The following ATP6V1A variants were observed in gnomAD, a reference collection of about 807,000 sequenced individuals.
ATP6V1A encodes ATPase H+ transporting V1 subunit A.
A neutral mutation model predicts 70.1 loss-of-function variants in ATP6V1A; 18 were observed. That is an observed-to-expected ratio of 0.26 (90% confidence interval 0.18 to 0.38). The LOEUF (loss-of-function observed/expected upper bound fraction) is 0.38, where lower values mean the gene tolerates loss of function less well. Among genes scored for constraint, ATP6V1A ranks in the 10% least tolerant of loss-of-function variants. The pLI is 1.00. For missense variants in ATP6V1A, 424 were observed against 772.4 expected (o/e 0.55, Z 5.35); for synonymous variants, 232 against 253.8 (o/e 0.91, Z 0.82).
chr3:113,782,542 C>CTCTCTCTCTATA (rs749059556), intron 3 of ATP6V1A, among the ~76,000 whole-genome samples: 5 of 141,168 alleles, frequency 3.5e-5, no homozygotes, highest in African/African-American at 1.3e-4. Flanking sequence ...CTCTCTCTCT[C>CTCTCTCTCTATA]TATATATATA....
chr3:113,789,827 C>T lies in ATP6V1A; in HGVS notation c.975C>T (p.Ala325=), dbSNP rs1709073021. ...TSNMPVAARE[A]SIYTGITLSE... is the part of the protein sequence containing the mutation. ...ATATGCCTGTTGCTGCTAGAGAAGC[C>T]TCTATTTATACTGGTGAGTATATAA... The change falls in exon 8 of 15, where the codon GCC becomes GCT. Residue 325 remains alanine (A), a synonymous_variant. Transcript: ENST00000273398. 6.2e-7 allele frequency: 1 copy of T among 1,600,096 alleles called. No homozygotes were observed. Among genetic ancestry groups the T allele is most frequent in the Non-Finnish European group, 8.6e-7 (1 of 1,167,298 alleles).
intron 1 of ATP6V1A, among the ~76,000 whole-genome samples, chr3:113,764,393 C>T (rs1054415145): frequency 2.0e-5 from 3 of 151,880 alleles, no homozygotes; most frequent in Admixed American, 1.3e-4. Flanking sequence ...GACTGTGTAG[C>T]GCATAGAAAA....
At chr3:113,757,959 C>T (rs1431220324) in intron 1 of ATP6V1A, among the ~76,000 whole-genome samples, 1 of 152,146 alleles carries the variant, frequency 6.6e-6, no homozygotes, top group Admixed American at 6.5e-5. Flanking sequence ...TCCTGGCCAA[C>T]ATGGTGAAAC....
Position 113,811,874 on chromosome 3 carries a change from A to T in ATP6V1A, c.*2447A>T, listed in dbSNP as rs937953291. The T allele has an allele frequency of 6.6e-6, 1 of 152,548 alleles. No individual in the cohort carries two copies. The highest frequency in any genetic ancestry group is 1.5e-5 in the Non-Finnish European group (1 of 68,016). The allele number at this position is 152,548 out of a possible 1,614,324, so 9.4% of individuals were successfully genotyped here. On this transcript the variant is annotated 3_prime_UTR_variant, in exon 15 of 15. Transcript: ENST00000273398. ...AAGTGGAGCCAATTAAACAAGTTTC[A>T]TATGTATTTTTCCAGTGTTGAATCT...
intron 1 of ATP6V1A, among the ~76,000 whole-genome samples, chr3:113,772,932 G>C (rs1202299860): frequency 3.8e-5 from 4 of 105,636 alleles, no homozygotes; most frequent in Non-Finnish European, 7.8e-5. Context: ...CTTAATATTG[G>C]CTTTTTTTTT....
intron 1 of ATP6V1A, among the ~76,000 whole-genome samples, chr3:113,758,219 T>C (rs1708666315): frequency 6.6e-6 from 1 of 152,198 alleles, no homozygotes; most frequent in Admixed American, 6.6e-5. Flanking sequence ...TGTGGAAGCA[T>C]GCCTTTATAG....
At chr3:113,776,970 C>A (rs1708920714) in intron 1 of ATP6V1A, among the ~76,000 whole-genome samples, 1 of 152,168 alleles carries the variant, frequency 6.6e-6, no homozygotes, top group Non-Finnish European at 1.5e-5. Context: ...TCTAAACATT[C>A]TAATCTTTGA....
At chr3:113,763,760 T>A (rs965146633) in intron 1 of ATP6V1A, among the ~76,000 whole-genome samples, 1 of 152,190 alleles carries the variant, frequency 6.6e-6, no homozygotes, top group Non-Finnish European at 1.5e-5. Flanking sequence ...ATTTGTCAGG[T>A]TTTTTTCCTT....
chr3:113,780,048 G>A (rs1446119983), intron 2 of ATP6V1A, among the ~76,000 whole-genome samples: 1 of 152,004 alleles, frequency 6.6e-6, no homozygotes, highest in Non-Finnish European at 1.5e-5. Flanking sequence ...TAATTCTTAA[G>A]TACTTAATAA....
chr3:113,763,098 C>CTT (rs548896926), intron 1 of ATP6V1A, among the ~76,000 whole-genome samples: 2 of 148,608 alleles, frequency 1.3e-5, no homozygotes, highest in African/African-American at 4.9e-5. Flanking sequence ...TCCATTTATT[C>CTT]TTTTTTTTTT....
At position 113,785,675 on chromosome 3, in the gene ATP6V1A, A is replaced by AT. The variant is rs1206591270; in HGVS notation, c.565-545dup. Among the ~76,000 whole-genome samples the AT allele has an allele frequency of 4.9e-3, 684 of 140,866 alleles. 8 individuals are homozygous for AT. Among genetic ancestry groups the AT allele is most frequent in the African/African-American group, 0.015 (595 of 38,626 alleles). 92.4% of individuals were successfully genotyped at this position (140,866 alleles called of 152,430 possible). A position where few individuals can be genotyped will look rare whatever the true frequency, so the allele number is the denominator to read the frequency against. Reference sequence around the variant, plus strand: ...GGGCACATGCCACCATGCCCAGTTAATTTTTTTTTTTTGAGATGGACTCTT... The same window carrying AT: ...GGGCACATGCCACCATGCCCAGTTAATTTTTTTTTTTTTGAGATGGACTCTT... On this transcript the variant is annotated intron_variant, in intron 5 of 14. Transcript: ENST00000273398.
intron 1 of ATP6V1A, among the ~76,000 whole-genome samples, chr3:113,770,420 G>A (rs1708822800): frequency 6.6e-6 from 1 of 151,740 alleles, no homozygotes; most frequent in Admixed American, 6.6e-5. Context: ...GCTTATGCCT[G>A]TAATCCCAGC....
intron 6 of ATP6V1A, among the ~76,000 whole-genome samples, chr3:113,787,611 A>C (rs1353702325): frequency 6.6e-6 from 1 of 152,226 alleles, no homozygotes; most frequent in Non-Finnish European, 1.5e-5. Flanking sequence ...TCAATAAACC[A>C]AAAGCATGCA....
chr3:113,781,473 G>A (rs554839374), intron 3 of ATP6V1A, among the ~76,000 whole-genome samples: 2 of 152,090 alleles, frequency 1.3e-5, no homozygotes, highest in South Asian at 2.1e-4. Context: ...AGCAGAGATC[G>A]CACCACTGCA....
intron 1 of ATP6V1A, among the ~76,000 whole-genome samples, chr3:113,774,884 A>G (rs945197494): frequency 6.6e-6 from 1 of 152,176 alleles, no homozygotes; most frequent in African/African-American, 2.4e-5. Flanking sequence ...GTACTCACTC[A>G]TACAGCATGT....
intron 1 of ATP6V1A, among the ~76,000 whole-genome samples, chr3:113,771,824 T>G (rs1393567379): frequency 6.6e-6 from 1 of 152,192 alleles, no homozygotes; most frequent in African/African-American, 2.4e-5. Flanking sequence ...CTTATAAAAT[T>G]TATTGTATGA....
intron 1 of ATP6V1A, among the ~76,000 whole-genome samples, chr3:113,749,531 C>T (rs977769034): frequency 6.6e-6 from 1 of 152,006 alleles, no homozygotes; most frequent in African/African-American, 2.4e-5. Context: ...TGCTTTCTTC[C>T]CCATGGGCAG....
intron 1 of ATP6V1A, among the ~76,000 whole-genome samples, chr3:113,758,633 T>G (rs1708670082): frequency 6.6e-6 from 1 of 152,226 alleles, no homozygotes. Context: ...TGAATAAAGG[T>G]CCTATGAACA....
chr3:113,789,943 C>CTG, intron 8 of ATP6V1A, 103 bp downstream of exon 8: 1 of 829,990 alleles, frequency 1.2e-6, no homozygotes, highest in East Asian at 2.6e-5. Flanking sequence ...TAAAATATCT[C>CTG]TGTACATATA....
Sources: allele counts gnomAD v4.1 joint callset (sites outside exome capture counted in the v4.1 genomes callset), GRCh38; gene constraint gnomAD v4.1.1; transcripts MANE v1.5; gene names NCBI Gene and HGNC (gene_info 2026-07-23, HGNC 2026-07-21).